CETP: variants seen among roughly 807,000 people sequenced by gnomAD.
CETP encodes the protein BPI fold containing family F.
A neutral mutation model predicts 66.5 loss-of-function variants in CETP; 56 were observed. That is an observed-to-expected ratio of 0.84 (90% CI 0.68 to 1.05). CETP has a LOEUF of 1.05. Among genes scored for constraint, CETP ranks in the 50% least tolerant of loss-of-function variants. The pLI is 0.00. For missense variants in CETP, 612 were observed against 609.6 expected (o/e 1.00, Z -0.04); for synonymous variants, 251 against 245.7 (o/e 1.02, Z -0.20).
intron 10 of CETP, 27 bp downstream of exon 10, chr16:56,975,178 G>A: frequency 6.2e-7 from 1 of 1,611,050 alleles, no homozygotes; most frequent in Non-Finnish European, 8.5e-7. Flanking sequence ...CCTGTGTGGG[G>A]TTTATCTCAC....
Position 56,971,104 on chromosome 16 carries a change from T to A in CETP, c.597+2T>A. ...CTGAAGCTGGTCCTGAAGGGACAGG[T>A]GAGTGAGGCTGGCTGACTCCCTGTG... On this transcript the variant is annotated splice_donor_variant, in intron 6 of 15. Transcript: ENST00000200676. LOFTEE classifies it high-confidence loss of function. The A allele has an allele frequency of 1.9e-6, 3 of 1,613,706 alleles. No individual in the cohort carries two copies. The highest frequency in any genetic ancestry group is 2.5e-6 in the Non-Finnish European group (3 of 1,179,792).
rs373617305 is a variant in CETP, at chr16:56,971,090, C to T, written c.585C>T (p.Val195=). ...TCATCTCCTTCACCCTGAAGCTGGT[C>T]CTGAAGGGACAGGTGAGTGAGGCTG... ...TNFISFTLKL[V]LKGQICKEIN... is the part of the protein sequence containing the mutation. The change falls in exon 6 of 16, where the codon GTC becomes GTT. Residue 195 remains valine, a synonymous_variant. Transcript: ENST00000200676. 4 of 1,613,922 alleles carry T rather than the reference C, an allele frequency of 2.5e-6. No homozygotes were observed. Among genetic ancestry groups the T allele is most frequent in the Non-Finnish European group, 3.4e-6 (4 of 1,179,996 alleles).
intron 11 of CETP, 35 bp from the exon 12 acceptor site, chr16:56,981,122 GC>G: frequency 6.6e-7 from 1 of 1,517,546 alleles, no homozygotes; most frequent in Non-Finnish European, 9.2e-7. Flanking sequence ...TTCGGGAAGA[GC>G]CCTGGCTCAC....
intron 9 of CETP, among the ~76,000 whole-genome samples, chr16:56,973,898 A>AGCAGGTACGTGACTGGGGGCT (rs2056131647): frequency 6.6e-6 from 1 of 152,244 alleles, no homozygotes; most frequent in Non-Finnish European, 1.5e-5. Flanking sequence ...TTGAGCAAGT[A>AGCAGGTACGTGACTGGGGGCT]GCAGGTACGT....
At chr16:56,971,273 C>T (rs570417790) in intron 6 of CETP, 48 bp from the exon 7 acceptor site, 1 of 1,594,190 alleles carries the variant, frequency 6.3e-7, no homozygotes, top group Non-Finnish European at 8.6e-7. Context: ...GAGGCACTGC[C>T]TCTGGCCTCC....
Position 56,971,080 on chromosome 16 carries a change from T to C in CETP, c.575T>C (p.Leu192Pro), listed in dbSNP as rs771487390. The change falls in exon 6 of 16, where the codon CTG (leucine) becomes CCG (proline). Residue 192 changes from leucine (L) to proline (P), a missense_variant. Coordinates refer to ENST00000200676, the MANE Select transcript of CETP (RefSeq NM_000078.3). The stretch of plus-strand genomic sequence containing the variant: ...TTCACAAATTTCATCTCCTTCACCC[T>C]GAAGCTGGTCCTGAAGGGACAGGTG... ...QLFTNFISFT[L>P]KLVLKGQICK... 1 of 1,614,114 alleles carries C rather than the reference T, an allele frequency of 6.2e-7. No homozygotes were observed.
At chr16:56,971,513 T>A in intron 7 of CETP, 132 bp downstream of exon 7, 1 of 847,672 alleles carries the variant, frequency 1.2e-6, no homozygotes. Context: ...CTCTGACACT[T>A]GATGATTAGT....
rs567271431 is a variant in CETP, at chr16:56,978,652, A to T, written c.1146+397A>T. On this transcript the variant is annotated intron_variant, in intron 11 of 15. Coordinates refer to ENST00000200676, the MANE Select transcript of CETP (RefSeq NM_000078.3). ...AACACCACCACACCTGGCTAATTTA[A>T]AAAAAAAAATTTCCTTAGAGGCGGG... Among the ~76,000 whole-genome samples the T allele has an allele frequency of 2.1e-4, 30 of 146,094 alleles. No individual in the cohort carries two copies. In the South Asian group the frequency reaches 6.2e-3, roughly 30 times the overall value.
intron 2 of CETP, among the ~76,000 whole-genome samples, chr16:56,968,515 T>C (rs2056084676): frequency 1.3e-5 from 2 of 152,168 alleles, no homozygotes; most frequent in Non-Finnish European, 2.9e-5. Context: ...TAACTTTACC[T>C]CTGGTGGTGT....
At chr16:56,963,150 G>C (rs2056037674) in intron 2 of CETP, 26 bp downstream of exon 2, 5 of 1,592,116 alleles carry the variant, frequency 3.1e-6, no homozygotes, top group Non-Finnish European at 4.3e-6. Context: ...GGTGTGACCA[G>C]GCTGGGGGTA....
chr16:56,981,562 T>C, intron 12 of CETP, 85 bp from the exon 13 acceptor site: 1 of 1,456,536 alleles, frequency 6.9e-7, no homozygotes, highest in South Asian at 1.1e-5. Flanking sequence ...AAGCACTGGC[T>C]GCTATTCTTA....
intron 5 of CETP, 126 bp downstream of exon 5, chr16:56,970,127 A>G: frequency 1.2e-6 from 1 of 813,154 alleles, no homozygotes; most frequent in Non-Finnish European, 2.1e-6. Flanking sequence ...GGGCAGCAAT[A>G]CCTTCAGTGG....
chr16:56,969,096 A>G (rs1353714398), intron 2 of CETP, among the ~76,000 whole-genome samples: 5 of 150,720 alleles, frequency 3.3e-5, no homozygotes, highest in African/African-American at 1.2e-4. Context: ...CTCCTCTTCC[A>G]CTTTTCGGTA....
intron 9 of CETP, among the ~76,000 whole-genome samples, chr16:56,974,225 G>A (rs1041712624): frequency 2.0e-5 from 3 of 152,184 alleles, no homozygotes; most frequent in African/African-American, 7.2e-5. Flanking sequence ...GGTCCCTGGA[G>A]GCCAGGAGTT....
In CETP at chr16:56,983,313, T is replaced by C; in HGVS notation, c.1322-13T>C. 2 of 1,612,896 alleles carry C rather than the reference T, an allele frequency of 1.2e-6. No individual in the cohort carries two copies. Among genetic ancestry groups the C allele is most frequent in the Non-Finnish European group, 1.7e-6 (2 of 1,178,862 alleles). On this transcript the variant is annotated splice_polypyrimidine_tract_variant and intron_variant, in intron 14 of 15. Coordinates refer to ENST00000200676, the MANE Select transcript of CETP (RefSeq NM_000078.3). ...CCAAGAAGGGCTGACTGGGGCTCTG[T>C]CCCCTGCCCCAGGGCTCGAGGTAGT...
At chr16:56,983,438 C>A in intron 15 of CETP, 27 bp downstream of exon 15, 2 of 1,611,274 alleles carry the variant, frequency 1.2e-6, no homozygotes, top group Non-Finnish European at 1.7e-6. Flanking sequence ...CCTCACCAGC[C>A]CCTGTTCCTG....
chr16:56,963,968 CCTT>C (rs2056045123), intron 2 of CETP, among the ~76,000 whole-genome samples: 1 of 150,572 alleles, frequency 6.6e-6, no homozygotes. Context: ...CACGCCTGGC[CCTT>C]TATCTATCTT....
chr16:56,981,824 C>A, intron 13 of CETP, 144 bp downstream of exon 13: 1 of 792,878 alleles, frequency 1.3e-6, no homozygotes, highest in Non-Finnish European at 2.1e-6. Flanking sequence ...CTCTTGTGAC[C>A]CTTCTTCTCC....
intron 1 of CETP, chr16:56,962,342 TG>T: frequency 1.4e-6 from 1 of 708,890 alleles, no homozygotes; most frequent in Non-Finnish European, 2.6e-6. Context: ...TATAGGGATT[TG>T]TGTTTGTCTG....
Sources: allele counts gnomAD v4.1 joint callset (sites outside exome capture counted in the v4.1 genomes callset), GRCh38; gene constraint gnomAD v4.1.1; transcripts MANE v1.5; gene names NCBI Gene and HGNC (gene_info 2026-07-23, HGNC 2026-07-21).